The following FSTL1 variants were observed in gnomAD, a reference collection of about 807,000 sequenced individuals.
FSTL1 encodes follistatin-related protein 1.
A neutral mutation model predicts 45.9 loss-of-function variants in FSTL1; 24 were observed. The ratio of observed to expected loss-of-function variants is 0.52; its 90% CI spans 0.38 to 0.74. The LOEUF (loss-of-function observed/expected upper bound fraction) is 0.74, where lower values mean the gene tolerates loss of function less well. FSTL1 is among the 30% of genes least tolerant of loss of function. The pLI is 0.00. For synonymous variants in FSTL1, 120 were observed against 137.6 expected (o/e 0.87, Z 0.89); for missense variants, 340 against 381.8 (o/e 0.89, Z 0.91).
chr3:120,420,899 T>C (rs1375606182), intron 2 of FSTL1, among the ~76,000 whole-genome samples: 1 of 152,146 alleles, frequency 6.6e-6, no homozygotes, highest in Non-Finnish European at 1.5e-5. Context: ...ACTCTACCTC[T>C]TTACAAATCA....
chr3:120,401,810 G>A (rs1936832634), intron 9 of FSTL1, among the ~76,000 whole-genome samples: 1 of 152,118 alleles, frequency 6.6e-6, no homozygotes. Context: ...TTGAACTCCT[G>A]GGCTTCCCAC....
Position 120,422,033 on chromosome 3 carries a change from T to A in FSTL1, c.64-6006A>T, listed in dbSNP as rs148280178. 3.9e-3 allele frequency among the ~76,000 whole-genome samples: 597 copies of A among 152,350 alleles called. 3 individuals are homozygous for A. The highest frequency in any genetic ancestry group is 0.014 in the Middle Eastern group (4 of 294). ...TTCATAAACAAAATCTTTCCAATAA[T>A]GGCTTTTGGGTCCTTAGTCTATTAG... On this transcript the variant is annotated intron_variant, in intron 2 of 10. Coordinates refer to ENST00000295633, the MANE Select transcript of FSTL1 (RefSeq NM_007085.5).
intron 2 of FSTL1, among the ~76,000 whole-genome samples, chr3:120,422,698 A>ATT (rs573790628): frequency 0.019 from 2,702 of 145,698 alleles, 80 homozygotes; most frequent in African/African-American, 0.064. Context: ...TCAATCAATA[A>ATT]TTTTTTTTTT....
At chr3:120,443,199 T>C (rs1937662504) in intron 2 of FSTL1, among the ~76,000 whole-genome samples, 1 of 149,634 alleles carries the variant, frequency 6.7e-6, no homozygotes, top group South Asian at 2.1e-4. Context: ...AGTGGAGTCT[T>C]TCAAATTCTG....
At chr3:120,427,886 T>A (rs1937408620) in intron 2 of FSTL1, among the ~76,000 whole-genome samples, 1 of 151,974 alleles carries the variant, frequency 6.6e-6, no homozygotes, top group Non-Finnish European at 1.5e-5. Context: ...GATTTCTGAG[T>A]ATAGGGTAGG....
rs995330037 is a variant in FSTL1 at position 120,409,464 on chromosome 3, C to G, written c.462+68G>C. 5 of 1,399,910 alleles carry G rather than the reference C, an allele frequency of 3.6e-6. No individual in the cohort carries two copies. The African/African-American group carries it at 7.1e-5, about 20-fold the overall frequency. 86.7% of individuals were successfully genotyped at this position (1,399,910 alleles called of 1,614,324 possible). On this transcript the variant is annotated intron_variant, in intron 6 of 10. Transcript: ENST00000295633. ...TTCCTGTGGTCTGGGAAGGTGTGAT[C>G]GGGCAATGGGAGGAGGAAGCTTCCC...
In FSTL1 at chr3:120,394,559, T is replaced by C. The variant is rs755209629; in HGVS notation, c.*2393A>G. On this transcript the variant is annotated 3_prime_UTR_variant, in exon 11 of 11. Transcript: ENST00000295633. ...CCAGAGTCACGGCATGTGGGAATGT[T>C]TCCATGGACACTGGATCTTAACAGA... The C allele has an allele frequency of 6.6e-6, 1 of 152,210 alleles. No homozygotes were observed. The highest frequency in any genetic ancestry group is 2.4e-5 in the African/African-American group (1 of 41,458). The allele number at this position is 152,210 out of a possible 1,614,324, so 9.4% of individuals were successfully genotyped here.
intron 2 of FSTL1, chr3:120,423,908 T>C (rs1277908698): frequency 6.6e-6 from 1 of 150,428 alleles, no homozygotes. Flanking sequence ...TTATCTGCCC[T>C]GAATTAGCTT....
chr3:120,402,354 G>A (rs1164582605), intron 9 of FSTL1, among the ~76,000 whole-genome samples: 1 of 152,146 alleles, frequency 6.6e-6, no homozygotes, highest in African/African-American at 2.4e-5. Context: ...GTGCTTAGAA[G>A]AGAGCCTGGC....
chr3:120,445,616 A>G (rs949452334), intron 2 of FSTL1, among the ~76,000 whole-genome samples: 1 of 149,664 alleles, frequency 6.7e-6, no homozygotes, highest in Non-Finnish European at 1.5e-5. Context: ...CTATACATGG[A>G]AGATTTGTGC....
At chr3:120,416,804 G>C (rs1348345973) in intron 2 of FSTL1, among the ~76,000 whole-genome samples, 1 of 152,204 alleles carries the variant, frequency 6.6e-6, no homozygotes, top group East Asian at 1.9e-4. Flanking sequence ...TCATTTGCTA[G>C]TCAGGCATTC....
chr3:120,448,610 A>G (rs772389012), intron 2 of FSTL1, among the ~76,000 whole-genome samples: 4 of 152,228 alleles, frequency 2.6e-5, no homozygotes, highest in Non-Finnish European at 4.4e-5. Context: ...CCATTTCCAT[A>G]CACTGTGAGT....
intron 7 of FSTL1, among the ~76,000 whole-genome samples, chr3:120,403,937 A>AAAAAAAAC (rs1560011543): frequency 3.1e-5 from 4 of 130,384 alleles, no homozygotes; most frequent in Non-Finnish European, 1.7e-5. Context: ...AAAAAAAAAA[A>AAAAAAAAC]AAAAAAACAA....
At chr3:120,437,461 TAAAAC>T (rs1171669708) in intron 2 of FSTL1, among the ~76,000 whole-genome samples, 3 of 152,080 alleles carry the variant, frequency 2.0e-5, no homozygotes, top group Non-Finnish European at 2.9e-5. Context: ...TAAACTAAAT[TAAAAC>T]AAAACAAATT....
intron 10 of FSTL1, 83 bp downstream of exon 10, chr3:120,399,800 C>T (rs543410074): frequency 1.2e-4 from 102 of 872,582 alleles, no homozygotes; most frequent in Non-Finnish European, 2.1e-5. Context: ...TCCTTGGTCT[C>T]CTGGGGCACT....
chr3:120,442,973 T>G, intron 2 of FSTL1, among the ~76,000 whole-genome samples: 1 of 137,620 alleles, frequency 7.3e-6, no homozygotes, highest in East Asian at 2.2e-4. Context: ...GGGATAGCAT[T>G]GGGAGATACA....
chr3:120,410,818 G>T, intron 5 of FSTL1, 134 bp downstream of exon 5: 1 of 793,414 alleles, frequency 1.3e-6, no homozygotes, highest in East Asian at 2.5e-5. Context: ...GTGTTGAGGA[G>T]TGGCCAGTTC....
At chr3:120,426,567 A>G (rs905598302) in intron 2 of FSTL1, among the ~76,000 whole-genome samples, 3 of 152,180 alleles carry the variant, frequency 2.0e-5, no homozygotes, top group Admixed American at 2.0e-4. Context: ...CTGGGAATAG[A>G]ATCCACTGTG....
chr3:120,447,729 G>A (rs1328745110), intron 2 of FSTL1, among the ~76,000 whole-genome samples: 2 of 152,168 alleles, frequency 1.3e-5, no homozygotes, highest in African/African-American at 2.4e-5. Flanking sequence ...GCTCACTGCA[G>A]CCTCAACCTC....
Sources: allele counts gnomAD v4.1 joint callset (sites outside exome capture counted in the v4.1 genomes callset), GRCh38; gene constraint gnomAD v4.1.1; transcripts MANE v1.5; gene names NCBI Gene and HGNC (gene_info 2026-07-23, HGNC 2026-07-21).